SYNE1: variants seen among roughly 807,000 people sequenced by gnomAD.
The protein encoded by SYNE1 is nesprin-1.
SYNE1 carries 616 observed loss-of-function variants against 1,111.0 expected under a neutral mutation model. The observed-to-expected ratio is 0.55, with a 90% CI of 0.52 to 0.59. The LOEUF is 0.59. Ranked by LOEUF, SYNE1 falls within the 20% of genes least tolerant of loss-of-function variation. The pLI is 0.00. For missense variants in SYNE1, 10,006 were observed against 10,417.0 expected (o/e 0.96, Z 1.72); for synonymous variants, 3,855 against 3,825.8 (o/e 1.01, Z -0.28).
chr6:152,425,609 G>A (rs950957678), intron 38 of SYNE1, 62 bp from the exon 39 acceptor site: 3 of 1,589,922 alleles, frequency 1.9e-6, no homozygotes, highest in South Asian at 1.1e-5. Context: ...GGACCATGCG[G>A]CACAGGCGGC....
intron 130 of SYNE1, among the ~76,000 whole-genome samples, chr6:152,167,070 G>A (rs867179549): frequency 6.6e-6 from 1 of 152,124 alleles, no homozygotes; most frequent in Non-Finnish European, 1.5e-5. Flanking sequence ...ACTTGCAGAC[G>A]TCACATGTCT....
chr6:152,487,462 G>T (rs2098946963), intron 12 of SYNE1, among the ~76,000 whole-genome samples: 2 of 152,134 alleles, frequency 1.3e-5, no homozygotes, highest in African/African-American at 2.4e-5. Flanking sequence ...TGGGCATTTG[G>T]GTTGATTCTG....
intron 3 of SYNE1, among the ~76,000 whole-genome samples, chr6:152,569,727 A>G (rs1466855865): frequency 6.6e-6 from 1 of 152,230 alleles, no homozygotes; most frequent in Non-Finnish European, 1.5e-5. Context: ...AGCCACACGT[A>G]TAATTAATTC....
At chr6:152,440,142 T>C (rs1473088412) in intron 32 of SYNE1, among the ~76,000 whole-genome samples, 2 of 152,166 alleles carry the variant, frequency 1.3e-5, no homozygotes, top group Non-Finnish European at 2.9e-5. Context: ...TCTGTTTCTG[T>C]GTAACACCTG....
At position 152,132,130 on chromosome 6, in the gene SYNE1, G is replaced by A; in HGVS notation, c.26086C>T (p.Gln8696Ter). The part of the protein sequence containing the change: ...PTSGRSTPNR[Q>*]KTPRGKCSLS... The stretch of plus-strand genomic sequence containing the variant: ...GACCAGTGGAAAGTTACCGTTTTCT[G>A]TCTGTTTGGGGTGCTCCTTCCTGAT... Residue 8696 changes from glutamine (Q) to a stop codon, truncating the protein, a stop_gained, in exon 144 of 146, where the codon CAG (glutamine) becomes TAG (stop). Transcript: ENST00000367255. LOFTEE classifies it high-confidence loss of function. The A allele has an allele frequency of 6.2e-7, 1 of 1,614,088 alleles. No individual in the cohort carries two copies. The highest frequency in any genetic ancestry group is 8.5e-7 in the Non-Finnish European group (1 of 1,179,944).
chr6:152,393,625 C>T (rs1382790347), intron 51 of SYNE1, among the ~76,000 whole-genome samples: 3 of 151,742 alleles, frequency 2.0e-5, no homozygotes, highest in Admixed American at 6.6e-5. Context: ...ATAGTAAGGG[C>T]TCATAGAGAT....
chr6:152,565,160 C>G (rs2099408527), intron 3 of SYNE1, among the ~76,000 whole-genome samples: 1 of 152,164 alleles, frequency 6.6e-6, no homozygotes, highest in Non-Finnish European at 1.5e-5. Flanking sequence ...GAAACCTGAT[C>G]ATTAATTTAT....
chr6:152,154,540 T>A (rs1344419), intron 133 of SYNE1, among the ~76,000 whole-genome samples: 59,093 of 151,626 alleles, frequency 0.39, 12,272 homozygotes, highest in African/African-American at 0.52. Flanking sequence ...TTTTTATGGT[T>A]TAAAAAAATC....
At chr6:152,593,668 C>T (rs970604076) in intron 3 of SYNE1, among the ~76,000 whole-genome samples, 3 of 151,896 alleles carry the variant, frequency 2.0e-5, no homozygotes, top group Non-Finnish European at 4.4e-5. Flanking sequence ...TGAGAAATGC[C>T]AGGTTGAGTC....
At position 152,256,683 on chromosome 6, in the gene SYNE1, G is replaced by C; in HGVS notation, c.19055C>G (p.Thr6352Arg). 1 of 1,614,040 alleles carries C rather than the reference G, an allele frequency of 6.2e-7. No homozygotes were observed. Among genetic ancestry groups the C allele is most frequent in the Non-Finnish European group, 8.5e-7 (1 of 1,179,934 alleles). Residue 6352 changes from threonine (T) to arginine (R), a missense_variant, in exon 102 of 146, where the codon ACA becomes AGA. Physicochemically the swap from Thr to Arg is moderately conservative, Grantham distance 71. This residue lies in a region of SYNE1 where 2,182 missense variants were observed against 2,287.8 expected (regional missense o/e 0.95). Transcript: ENST00000367255. ...DVPTQDKSAVTSLLDGLNQAF... is the reference protein window; with the variant it reads ...DVPTQDKSAVRSLLDGLNQAF... Reference sequence around the variant, plus strand: ...TTGGTTCAGTCCATCCAGCAAAGATGTAACTGCAGATTTATCTTGGGTTGG... The same window carrying C: ...TTGGTTCAGTCCATCCAGCAAAGATCTAACTGCAGATTTATCTTGGGTTGG...
chr6:152,424,446 C>G (rs1488405321), intron 39 of SYNE1, among the ~76,000 whole-genome samples: 1 of 152,190 alleles, frequency 6.6e-6, no homozygotes, highest in Non-Finnish European at 1.5e-5. Context: ...GCTCACCTTT[C>G]AAGAGGTGGC....
intron 127 of SYNE1, among the ~76,000 whole-genome samples, chr6:152,198,016 G>C (rs1049831194): frequency 4.6e-5 from 7 of 151,784 alleles, no homozygotes; most frequent in Non-Finnish European, 1.0e-4. Flanking sequence ...GGGAGAGGAG[G>C]GGAGGGGAGG....
At chr6:152,299,149 G>A (rs1247597983) in intron 93 of SYNE1, among the ~76,000 whole-genome samples, 3 of 152,156 alleles carry the variant, frequency 2.0e-5, no homozygotes, top group Non-Finnish European at 4.4e-5. Flanking sequence ...AAGTAGCATG[G>A]AGATTTACAG....
intron 3 of SYNE1, among the ~76,000 whole-genome samples, chr6:152,543,929 T>C (rs1247671961): frequency 1.3e-5 from 2 of 152,234 alleles, no homozygotes; most frequent in Non-Finnish European, 2.9e-5. Flanking sequence ...TTTGCACAAG[T>C]ACACCCTACA....
rs2096893517 is a variant in SYNE1, at chr6:152,359,370, T to C, written c.10388A>G (p.Gln3463Arg). 6.2e-7 allele frequency: 1 copy of C among 1,614,164 alleles called. No homozygotes were observed. The highest frequency in any genetic ancestry group is 2.2e-5 in the East Asian group (1 of 44,866). The change falls in exon 65 of 146, where the codon CAG becomes CGG. Residue 3463 changes from glutamine to arginine, a missense_variant. Coordinates refer to ENST00000367255, the MANE Select transcript of SYNE1 (RefSeq NM_182961.4). ...TTCCTGTAGATCCTGGAGTTCTAGC[T>C]GGGTGACATAGTGTTCTGTCATGCC... ...GAGMTEHYVT[Q>R]LELQDLQERY...
chr6:152,352,101 G>C lies in SYNE1; in HGVS notation c.11506C>G (p.Gln3836Glu), dbSNP rs780637080. 11 of 1,614,124 alleles carry C rather than the reference G, an allele frequency of 6.8e-6. No individual in the cohort carries two copies. In the Admixed American group the frequency reaches 1.8e-4, roughly 27 times the overall value. Residue 3836 changes from glutamine (Q) to glutamate (E), a missense_variant, in exon 70 of 146, where the codon CAG (glutamine) becomes GAG (glutamate). Around this residue, in one of 7 missense-constraint regions of SYNE1, gnomAD observed 4,955 missense variants for 5,017.2 expected, o/e 0.99. Transcript: ENST00000367255. The stretch of plus-strand genomic sequence containing the variant: ...TCTTCAGGAACATGTAGAATTTCCT[G>C]GTATTCTGCTATCCACTGTGTCAGT... ...KALTQWIAEYQEILHVPEEPK... is the reference protein window; with the variant it reads ...KALTQWIAEYEEILHVPEEPK...
intron 104 of SYNE1, among the ~76,000 whole-genome samples, chr6:152,251,231 G>A (rs922581080): frequency 2.6e-5 from 4 of 152,024 alleles, no homozygotes; most frequent in African/African-American, 7.2e-5. Flanking sequence ...GATTACAGGC[G>A]TGAGCCACCG....
At chr6:152,472,561 A>C in intron 14 of SYNE1, 148 bp from the exon 15 acceptor site, 1 of 752,006 alleles carries the variant, frequency 1.3e-6, no homozygotes, top group East Asian at 2.7e-5. Context: ...TGCCTGTCAA[A>C]GGCTCTTACC....
At chr6:152,410,736 A>C (rs1473765867) in intron 42 of SYNE1, among the ~76,000 whole-genome samples, 3 of 152,228 alleles carry the variant, frequency 2.0e-5, no homozygotes, top group Non-Finnish European at 4.4e-5. Context: ...CTCATAAAAG[A>C]AACAACAACA....
Sources: allele counts gnomAD v4.1 joint callset (sites outside exome capture counted in the v4.1 genomes callset), GRCh38; gene constraint gnomAD v4.1.1; regional missense constraint gnomAD v4.1.1; transcripts MANE v1.5; gene names NCBI Gene and HGNC (gene_info 2026-07-23, HGNC 2026-07-21).